Variants in GOLM2 observed in about 807,000 individuals in gnomAD.
GOLM2 encodes the protein golgi membrane protein 2.
GOLM2 carries 26 observed loss-of-function variants against 55.9 expected under a neutral mutation model. The ratio of observed to expected loss-of-function variants is 0.47; its 90% CI spans 0.34 to 0.65. The LOEUF is 0.65. Among genes scored for constraint, GOLM2 ranks in the 30% least tolerant of loss-of-function variants. The probability of loss-of-function intolerance (pLI) is 0.01; values close to 1 mark genes in which losing one functional copy is unlikely to be tolerated. For synonymous variants in GOLM2, 165 were observed against 194.6 expected (o/e 0.85, Z 1.27); for missense variants, 486 against 531.8 (o/e 0.91, Z 0.85).
At chr15:44,368,711 A>G (rs2079303136) in intron 6 of GOLM2, among the ~76,000 whole-genome samples, 1 of 151,736 alleles carries the variant, frequency 6.6e-6, no homozygotes, top group African/African-American at 2.4e-5. Context: ...ACACACATAT[A>G]TATACACATA....
At chr15:44,353,906 T>G (rs976510302) in intron 6 of GOLM2, among the ~76,000 whole-genome samples, 1 of 152,190 alleles carries the variant, frequency 6.6e-6, no homozygotes, top group Non-Finnish European at 1.5e-5. Flanking sequence ...TTTAATTCTA[T>G]GTTTTTAAAC....
intron 8 of GOLM2, among the ~76,000 whole-genome samples, chr15:44,397,796 C>A (rs2079537581): frequency 2.6e-5 from 4 of 152,070 alleles, no homozygotes; most frequent in African/African-American, 9.7e-5. Context: ...GGATGTCATA[C>A]TGTAGTTCCA....
At chr15:44,311,950 G>C (rs960791947) in intron 1 of GOLM2, among the ~76,000 whole-genome samples, 1 of 151,986 alleles carries the variant, frequency 6.6e-6, no homozygotes, top group African/African-American at 2.4e-5. Flanking sequence ...ATGCCAAGTC[G>C]TTAACATAGG....
At chr15:44,359,001 A>C (rs889568468) in intron 6 of GOLM2, among the ~76,000 whole-genome samples, 6 of 151,640 alleles carry the variant, frequency 4.0e-5, no homozygotes, top group Admixed American at 3.9e-4. Context: ...CTAAAAATAC[A>C]AAAAAATTAG....
In GOLM2 at chr15:44,289,110, C is replaced by T. The variant is rs773493142; in HGVS notation, c.81C>T (p.Val27=). The T allele has an allele frequency of 3.1e-6, 5 of 1,614,172 alleles. No homozygotes were observed. Among genetic ancestry groups the T allele is most frequent in the Non-Finnish European group, 4.2e-6 (5 of 1,180,016 alleles). ...VLVVLLVVIV[V]LAFNYWSISS... ...TGGTGCTGCTGGTGGTGATCGTCGT[C>T]CTCGCCTTCAACTACTGGAGCATCT... The change falls in exon 1 of 10, where the codon GTC becomes GTT. Residue 27 remains valine, a synonymous_variant. Transcript: ENST00000299957. This position sits in a 1 kb window ranked among gnomAD's most constrained non-coding sequence, Gnocchi z 4.8.
intron 4 of GOLM2, among the ~76,000 whole-genome samples, chr15:44,335,631 T>A (rs1473653554): frequency 1.3e-5 from 2 of 152,168 alleles, no homozygotes; most frequent in East Asian, 3.8e-4. Flanking sequence ...TTTCTCACCC[T>A]TGGTGTTTAT....
intron 6 of GOLM2, among the ~76,000 whole-genome samples, chr15:44,359,926 C>A (rs2079225374): frequency 6.6e-6 from 1 of 151,920 alleles, no homozygotes; most frequent in Non-Finnish European, 1.5e-5. Flanking sequence ...GAATTTTCAA[C>A]CCAGAATTTC....
intron 1 of GOLM2, among the ~76,000 whole-genome samples, chr15:44,303,379 G>A (rs1435211749): frequency 2.0e-5 from 3 of 152,004 alleles, no homozygotes; most frequent in Middle Eastern, 3.2e-3. Flanking sequence ...CATCTTTCTA[G>A]TATACATAGA....
At chr15:44,350,742 C>T (rs1031320185) in intron 6 of GOLM2, among the ~76,000 whole-genome samples, 3 of 151,976 alleles carry the variant, frequency 2.0e-5, no homozygotes, top group East Asian at 3.9e-4. Flanking sequence ...ACTATCAAAC[C>T]GAATTAAGGA....
chr15:44,412,907 G>T (rs2079647794), intron 9 of GOLM2, among the ~76,000 whole-genome samples: 1 of 151,786 alleles, frequency 6.6e-6, no homozygotes, highest in Non-Finnish European at 1.5e-5. Flanking sequence ...GGAGGCTGAG[G>T]TAGGAGAATC....
chr15:44,306,259 TC>T (rs1339922048), intron 1 of GOLM2, among the ~76,000 whole-genome samples: 2 of 152,220 alleles, frequency 1.3e-5, no homozygotes, highest in Admixed American at 6.5e-5. Flanking sequence ...AGCTTTTTCA[TC>T]AGCACTTGCC....
At chr15:44,336,205 C>T (rs1224378802) in intron 4 of GOLM2, among the ~76,000 whole-genome samples, 2 of 151,780 alleles carry the variant, frequency 1.3e-5, no homozygotes, top group Non-Finnish European at 2.9e-5. Context: ...CAAGCTCCGC[C>T]TCCCGGGTTT....
chr15:44,376,361 G>A (rs2079365069), intron 6 of GOLM2, among the ~76,000 whole-genome samples: 1 of 152,106 alleles, frequency 6.6e-6, no homozygotes, highest in Non-Finnish European at 1.5e-5. Context: ...AGCCTCCTGG[G>A]CTCAAGTGAT....
At chr15:44,373,392 G>C (rs1407342917) in intron 6 of GOLM2, among the ~76,000 whole-genome samples, 1 of 151,558 alleles carries the variant, frequency 6.6e-6, no homozygotes, top group African/African-American at 2.4e-5. Flanking sequence ...GGGAGGCGGA[G>C]CTTGCAGTGA....
chr15:44,290,219 C>T (rs1013556136), intron 1 of GOLM2, among the ~76,000 whole-genome samples: 1 of 152,160 alleles, frequency 6.6e-6, no homozygotes, highest in African/African-American at 2.4e-5. Flanking sequence ...TTTTCATTAG[C>T]TCATTGGTAA....
chr15:44,314,514 G>A (rs1013474113), intron 1 of GOLM2, among the ~76,000 whole-genome samples: 4 of 147,922 alleles, frequency 2.7e-5, no homozygotes, highest in African/African-American at 1.0e-4. Flanking sequence ...AGCCAAGATC[G>A]CACCACTGCA....
Position 44,380,934 on chromosome 15 carries a change from G to T in GOLM2, c.1030G>T (p.Ala344Ser). 6.3e-7 allele frequency: 1 copy of T among 1,596,890 alleles called. No individual in the cohort carries two copies. The highest frequency in any genetic ancestry group is 8.5e-7 in the Non-Finnish European group (1 of 1,171,594). The change falls in exon 8 of 10, where the codon GCT becomes TCT. Residue 344 changes from alanine to serine, a missense_variant. By Grantham distance (99) the Ala-to-Ser change is moderately conservative. Transcript: ENST00000299957. ...PRIQTDILKQ[A>S]TKDRVSDFHK... Reference sequence around the variant, plus strand: ...AATTCAAACAGATATACTAAAGCAGGCTACCAAGGACAGAGTCAGTGATTT... The same window carrying T: ...AATTCAAACAGATATACTAAAGCAGTCTACCAAGGACAGAGTCAGTGATTT...
Position 44,302,932 on chromosome 15 carries a change from G to A in GOLM2, c.327+13576G>A, listed in dbSNP as rs150558921. ...ATCCTGGCCAACATGGTGAAACCCC[G>A]TCTCTACTAAAAATACAAAAATTAG... On this transcript the variant is annotated intron_variant, in intron 1 of 9. Coordinates refer to ENST00000299957, the MANE Select transcript of GOLM2 (RefSeq NM_138423.4). Among the ~76,000 whole-genome samples the A allele has an allele frequency of 3.2e-4, 49 of 152,024 alleles. No individual in the cohort carries two copies. The South Asian group carries it at 9.5e-3, about 30-fold the overall frequency.
chr15:44,305,927 T>C (rs1374955677), intron 1 of GOLM2, among the ~76,000 whole-genome samples: 1 of 152,246 alleles, frequency 6.6e-6, no homozygotes, highest in Non-Finnish European at 1.5e-5. Context: ...TAAACCATGC[T>C]GTAAACAGAT....
Sources: gnomAD v4.1 joint callset for allele counts (sites outside exome capture counted in the v4.1 genomes callset) on GRCh38, gnomAD v4.1.1 for gene constraint, Gnocchi (gnomAD v3.1) non-coding constraint, MANE v1.5 for transcripts, NCBI Gene and HGNC (gene_info 2026-07-23, HGNC 2026-07-21) for gene names.